AGBL4: variants seen among roughly 807,000 people sequenced by gnomAD.
AGBL4 encodes AGBL carboxypeptidase 4, also known as cytosolic carboxypeptidase 6.
In AGBL4, 58 loss-of-function variants were observed where a neutral mutation model predicts 66.4. That is an observed-to-expected ratio of 0.87 (90% CI 0.71 to 1.09). The LOEUF is 1.09. Ranked by LOEUF, AGBL4 falls within the 50% of genes least tolerant of loss-of-function variation. The pLI is 0.00. For missense variants in AGBL4, 579 were observed against 631.0 expected, an observed-to-expected ratio of 0.92 and a Z score of 0.88; for synonymous variants, 234 against 222.9, an observed-to-expected ratio of 1.05 and a Z score of -0.44.
chr1:49,013,699 T>C (rs1286394068), intron 5 of AGBL4, among the ~76,000 whole-genome samples: 3 of 152,158 alleles, frequency 2.0e-5, no homozygotes, highest in Non-Finnish European at 4.4e-5. Flanking sequence ...TAGCCACTCA[T>C]TCTTCCCCTA....
chr1:49,256,839 A>G (rs1652548153), intron 3 of AGBL4, among the ~76,000 whole-genome samples: 1 of 152,250 alleles, frequency 6.6e-6, no homozygotes, highest in African/African-American at 2.4e-5. Context: ...GACGCAATAC[A>G]TATTAAAAAC....
In AGBL4 at chr1:49,499,155, T is replaced by C. The variant is rs142401596; in HGVS notation, c.282+198158A>G. 8.0e-3 allele frequency among the ~76,000 whole-genome samples: 1,216 copies of C among 152,068 alleles called. 12 individuals are homozygous for C. Among genetic ancestry groups the C allele is most frequent in the Middle Eastern group, 0.031 (9 of 292 alleles). On this transcript the variant is annotated intron_variant, in intron 3 of 13. Coordinates refer to ENST00000371839, the MANE Select transcript of AGBL4 (RefSeq NM_032785.4). ...GATATTAATTCTTCTTTAAATGTGG[T>C]AGAATCAGCAATAAGACCATCAAGA...
intron 1 of AGBL4, among the ~76,000 whole-genome samples, chr1:49,950,256 G>A (rs1035937627): frequency 2.0e-5 from 3 of 150,592 alleles, no homozygotes; most frequent in South Asian, 4.2e-4. Flanking sequence ...TCATGGCAAC[G>A]TGGATAAGAT....
intron 4 of AGBL4, among the ~76,000 whole-genome samples, chr1:49,047,383 A>G (rs1441248368): frequency 6.6e-6 from 1 of 152,188 alleles, no homozygotes; most frequent in Non-Finnish European, 1.5e-5. Context: ...GTAGTATCAA[A>G]GGTTGTTTAA....
At chr1:48,927,444 C>T (rs1654679594) in intron 5 of AGBL4, among the ~76,000 whole-genome samples, 1 of 152,088 alleles carries the variant, frequency 6.6e-6, no homozygotes, top group Non-Finnish European at 1.5e-5. Context: ...TCACCAGGTC[C>T]CTCCCATGAA....
intron 3 of AGBL4, among the ~76,000 whole-genome samples, chr1:49,336,599 A>G (rs2148499133): frequency 6.6e-6 from 1 of 152,324 alleles, no homozygotes; most frequent in South Asian, 2.1e-4. Flanking sequence ...ATAATCCCTT[A>G]GATCTTTCTA....
chr1:48,894,651 A>T (rs1225978067), intron 5 of AGBL4, among the ~76,000 whole-genome samples: 1 of 152,294 alleles, frequency 6.6e-6, no homozygotes, highest in East Asian at 1.9e-4. Flanking sequence ...TATACATGTA[A>T]CTTAGTGTGT....
chr1:48,604,209 T>C (rs977422063), intron 9 of AGBL4, among the ~76,000 whole-genome samples: 2 of 152,128 alleles, frequency 1.3e-5, no homozygotes, highest in Non-Finnish European at 2.9e-5. Flanking sequence ...CATCCAAACA[T>C]GAGACCCACT....
chr1:49,251,176 A>G (rs1480088817), intron 3 of AGBL4, among the ~76,000 whole-genome samples: 4 of 152,082 alleles, frequency 2.6e-5, no homozygotes, highest in African/African-American at 9.7e-5. Flanking sequence ...TGAGCAGACC[A>G]TGCCTGACTG....
chr1:48,641,190 G>C (rs187724913), intron 8 of AGBL4, among the ~76,000 whole-genome samples: 1 of 152,162 alleles, frequency 6.6e-6, no homozygotes, highest in South Asian at 2.1e-4. Flanking sequence ...GCCACTAAAA[G>C]GTTGGGATTC....
chr1:49,749,401 A>G (rs1651269367), intron 2 of AGBL4, among the ~76,000 whole-genome samples: 1 of 152,046 alleles, frequency 6.6e-6, no homozygotes, highest in African/African-American at 2.4e-5. Context: ...GCAATAGAAG[A>G]AAAACAAATA....
At chr1:49,581,037 G>A (rs1363198807) in intron 3 of AGBL4, among the ~76,000 whole-genome samples, 2 of 152,024 alleles carry the variant, frequency 1.3e-5, no homozygotes, top group African/African-American at 2.4e-5. Context: ...ATGTTTCAAA[G>A]GCTTTATTTT....
chr1:48,629,006 G>A (rs1325420419), intron 9 of AGBL4, among the ~76,000 whole-genome samples: 1 of 152,064 alleles, frequency 6.6e-6, no homozygotes, highest in Non-Finnish European at 1.5e-5. Flanking sequence ...TAACCCCAGA[G>A]ATAGCTCAAG....
At chr1:49,166,181 GC>G (rs762087572) in intron 4 of AGBL4, among the ~76,000 whole-genome samples, 1 of 152,096 alleles carries the variant, frequency 6.6e-6, no homozygotes, top group Non-Finnish European at 1.5e-5. Context: ...TAAATTAACT[GC>G]CTTCAACTTG....
chr1:49,743,496 G>A (rs1350984140), intron 2 of AGBL4, among the ~76,000 whole-genome samples: 4 of 152,252 alleles, frequency 2.6e-5, no homozygotes, highest in East Asian at 1.9e-4. Flanking sequence ...TTAGTGTGGC[G>A]ATTCCTCAGG....
intron 5 of AGBL4, among the ~76,000 whole-genome samples, chr1:48,958,188 C>G (rs1048753391): frequency 3.3e-5 from 5 of 152,064 alleles, no homozygotes; most frequent in African/African-American, 1.2e-4. Context: ...CACTCTCTTC[C>G]TCTTCTTCAT....
chr1:49,564,640 G>C (rs1482232724), intron 3 of AGBL4, among the ~76,000 whole-genome samples: 1 of 152,236 alleles, frequency 6.6e-6, no homozygotes, highest in African/African-American at 2.4e-5. Flanking sequence ...TTAATCCTGA[G>C]TTCTAGTTTG....
chr1:49,193,620 G>A (rs1303777474), intron 4 of AGBL4, among the ~76,000 whole-genome samples: 6 of 151,304 alleles, frequency 4.0e-5, no homozygotes, highest in African/African-American at 1.5e-4. Flanking sequence ...CTCCGCCTCT[G>A]GGGTTCATGC....
intron 1 of AGBL4, among the ~76,000 whole-genome samples, chr1:49,909,630 C>T (rs1156858304): frequency 6.6e-6 from 1 of 152,068 alleles, no homozygotes; most frequent in Non-Finnish European, 1.5e-5. Flanking sequence ...AGTGTAAAAA[C>T]TTAGGTTTTT....
Sources: gnomAD v4.1 joint callset for allele counts (sites outside exome capture counted in the v4.1 genomes callset) on GRCh38, gnomAD v4.1.1 for gene constraint, MANE v1.5 for transcripts, NCBI Gene and HGNC (gene_info 2026-07-23, HGNC 2026-07-21) for gene names.